The following LRRIQ1 variants were observed in gnomAD, a reference collection of about 807,000 sequenced individuals.
The protein encoded by LRRIQ1 is leucine-rich repeat- and IQ domain-containing protein 1.
In LRRIQ1, 210 loss-of-function variants were observed where a neutral mutation model predicts 211.9. The observed-to-expected ratio is 0.99, with a 90% CI of 0.89 to 1.11. The LOEUF is 1.11. Ranked by LOEUF, LRRIQ1 falls within the 50% of genes most tolerant of loss-of-function variation. LRRIQ1 has a pLI of 0.00. For missense variants in LRRIQ1, 2,136 were observed against 1,939.5 expected (o/e 1.10, Z -1.90); for synonymous variants, 699 against 650.1 (o/e 1.08, Z -1.14).
intron 18 of LRRIQ1, among the ~76,000 whole-genome samples, chr12:85,137,427 C>T (rs2136546803): frequency 6.6e-6 from 1 of 151,582 alleles, no homozygotes; most frequent in South Asian, 2.1e-4. Context: ...GGCCATAATA[C>T]TCCCTGTATA....
chr12:85,056,399 AAAG>A lies in LRRIQ1; in HGVS notation c.1612_1614del (p.Glu538del). 3 of 1,588,416 alleles carry A rather than the reference AAAG, an allele frequency of 1.9e-6. No individual in the cohort carries two copies. Among genetic ancestry groups the A allele is most frequent in the South Asian group, 1.2e-5 (1 of 84,506 alleles). ...GCAAGAATTAAAGTCTGATGCACAA[AAAG>A]AAGAAAAAATCATGAAACATGTCAT... On this transcript the variant is annotated inframe_deletion, in exon 8 of 27. Transcript: ENST00000393217.
chr12:85,184,071 T>G (rs1892114758), intron 24 of LRRIQ1, among the ~76,000 whole-genome samples: 1 of 152,036 alleles, frequency 6.6e-6, no homozygotes. Context: ...TGTCCCTAAA[T>G]AAGGTTGTGA....
chr12:85,196,061 G>A (rs2136978940), intron 24 of LRRIQ1, among the ~76,000 whole-genome samples: 1 of 152,104 alleles, frequency 6.6e-6, no homozygotes. Context: ...AATCATGAGT[G>A]AACTCCCATT....
chr12:85,038,751 A>G (rs2135857705), intron 2 of LRRIQ1, among the ~76,000 whole-genome samples: 1 of 151,712 alleles, frequency 6.6e-6, no homozygotes, highest in East Asian at 1.9e-4. Context: ...ATGTAGAACT[A>G]ATTTGAAAAT....
intron 19 of LRRIQ1, among the ~76,000 whole-genome samples, chr12:85,139,959 T>G (rs1417038979): frequency 6.6e-6 from 1 of 151,284 alleles, no homozygotes. Context: ...AACTGTTTCT[T>G]TCTTCACATT....
At chr12:85,197,896 TATA>T (rs1233513440) in intron 24 of LRRIQ1, among the ~76,000 whole-genome samples, 3 of 125,768 alleles carry the variant, frequency 2.4e-5, no homozygotes, top group Non-Finnish European at 4.8e-5. Context: ...ATAATAAAAA[TATA>T]ATAAAATATA....
intron 11 of LRRIQ1, among the ~76,000 whole-genome samples, chr12:85,076,015 ATTC>A (rs763060791): frequency 3.3e-5 from 5 of 152,190 alleles, no homozygotes; most frequent in Non-Finnish European, 2.9e-5. Flanking sequence ...TTATTCTTCT[ATTC>A]TTCTACTTTT....
chr12:85,172,465 A>C (rs529076837), intron 24 of LRRIQ1, among the ~76,000 whole-genome samples: 1 of 152,318 alleles, frequency 6.6e-6, no homozygotes, highest in East Asian at 1.9e-4. Context: ...CTAGCTAAAT[A>C]CTCCATGTCC....
chr12:85,205,881 C>T lies in LRRIQ1; in HGVS notation c.4823-23636C>T, dbSNP rs191133170. Among the ~76,000 whole-genome samples, 31 of 152,230 alleles carry T rather than the reference C, an allele frequency of 2.0e-4. No homozygotes were observed. In the East Asian group the frequency reaches 5.2e-3, roughly 26 times the overall value. ...AGCTCAGAGTTTCTTTCCTCAGCTC[C>T]GTTGATCCTGCTGTTAATACTTGTG... On this transcript the variant is annotated intron_variant, in intron 24 of 26. Transcript: ENST00000393217.
intron 26 of LRRIQ1, among the ~76,000 whole-genome samples, chr12:85,241,998 T>C (rs974404705): frequency 2.0e-5 from 3 of 151,978 alleles, no homozygotes; most frequent in South Asian, 2.1e-4. Context: ...TGTGAAATTA[T>C]AGGGCGGAAG....
At chr12:85,105,280 A>T (rs1007813003) in intron 14 of LRRIQ1, among the ~76,000 whole-genome samples, 4 of 152,034 alleles carry the variant, frequency 2.6e-5, no homozygotes, top group African/African-American at 7.2e-5. Flanking sequence ...GGTTGAAAAG[A>T]TAATTTTCTG....
chr12:85,119,831 C>T (rs1449729972), intron 15 of LRRIQ1, among the ~76,000 whole-genome samples: 1 of 152,062 alleles, frequency 6.6e-6, no homozygotes, highest in Non-Finnish European at 1.5e-5. Flanking sequence ...AGTAAGGTGT[C>T]TGTTGAGGTT....
intron 24 of LRRIQ1, among the ~76,000 whole-genome samples, chr12:85,181,118 A>ATTTCTTTTCTTC: frequency 3.1e-5 from 1 of 32,090 alleles, no homozygotes; most frequent in African/African-American, 8.1e-4. Context: ...CTATCCCTTG[A>ATTTCTTTTCTTC]ACTTAGGTAG....
chr12:85,203,837 A>G (rs570419113), intron 24 of LRRIQ1, among the ~76,000 whole-genome samples: 2 of 152,252 alleles, frequency 1.3e-5, no homozygotes, highest in South Asian at 2.1e-4. Context: ...CAGCCTGACA[A>G]TGCAATAGAA....
intron 25 of LRRIQ1, among the ~76,000 whole-genome samples, chr12:85,231,243 A>G (rs1169521793): frequency 6.6e-6 from 1 of 152,192 alleles, no homozygotes; most frequent in East Asian, 1.9e-4. Flanking sequence ...ATATAAACCT[A>G]ACTTTAATAT....
chr12:85,151,955 A>T (rs1478321407), intron 19 of LRRIQ1, among the ~76,000 whole-genome samples: 1 of 151,724 alleles, frequency 6.6e-6, no homozygotes, highest in African/African-American at 2.4e-5. Context: ...TAAAAAAATG[A>T]CTTTACTCAG....
At chr12:85,114,362 G>C (rs907804482) in intron 15 of LRRIQ1, among the ~76,000 whole-genome samples, 2 of 152,014 alleles carry the variant, frequency 1.3e-5, no homozygotes, top group Non-Finnish European at 2.9e-5. Flanking sequence ...GTTAGTTGTT[G>C]AGCAAAAATG....
In LRRIQ1 at chr12:85,143,765, A is replaced by G. The variant is rs767399209; in HGVS notation, c.4329+5796A>G. On this transcript the variant is annotated intron_variant, in intron 19 of 26. Transcript: ENST00000393217. ...CATGTCCACTATTTTGTTGAACATA[A>G]TAAGTATGGTATTTTCAAACCTTTG... Among the ~76,000 whole-genome samples the G allele has an allele frequency of 1.1e-4, 17 of 151,700 alleles. No homozygotes were observed. In the South Asian group the frequency reaches 1.7e-3, roughly 15 times the overall value.
At chr12:85,257,046 T>TTATATATATATAATTATATAATTA (rs541495250) in intron 1 of LRRIQ1, among the ~76,000 whole-genome samples, 16 of 108,502 alleles carry the variant, frequency 1.5e-4, no homozygotes, top group African/African-American at 5.3e-4. Context: ...TATTATATAA[T>TTATATATATATAATTATATAATTA]TATATATATA....
Sources: allele counts gnomAD v4.1 joint callset (sites outside exome capture counted in the v4.1 genomes callset), GRCh38; gene constraint gnomAD v4.1.1; transcripts MANE v1.5; gene names NCBI Gene and HGNC (gene_info 2026-07-23, HGNC 2026-07-21).